The following SORCS2 variants were observed in gnomAD, a reference collection of about 807,000 sequenced individuals.
SORCS2 encodes the protein VPS10 domain-containing receptor SorCS2.
A neutral mutation model predicts 141.6 loss-of-function variants in SORCS2; 100 were observed. That is an observed-to-expected ratio of 0.71 (90% CI 0.60 to 0.83). The LOEUF is 0.83. Among genes scored for constraint, SORCS2 ranks in the 40% least tolerant of loss-of-function variants. The pLI is 0.00. For missense variants in SORCS2, 1,646 were observed against 1,560.2 expected (o/e 1.05, Z -0.93); for synonymous variants, 789 against 676.9 (o/e 1.17, Z -2.57).
In SORCS2 at chr4:7,349,930, TCTC is replaced by T. The variant is rs1720844080; in HGVS notation, c.481-46355_481-46353del. On this transcript the variant is annotated intron_variant, in intron 1 of 26. Coordinates refer to ENST00000507866, the MANE Select transcript of SORCS2 (RefSeq NM_020777.3). The stretch of plus-strand genomic sequence containing the variant: ...TTCCGAGCAGACGCTGATCTGCTGT[TCTC>T]CTGTTTTTCCCACCACTGGACAATT... Among the ~76,000 whole-genome samples the T allele has an allele frequency of 2.0e-5, 3 of 152,290 alleles. No individual in the cohort carries two copies. The South Asian group carries it at 6.2e-4, about 32-fold the overall frequency.
At chr4:7,376,638 C>T (rs911491437) in intron 1 of SORCS2, among the ~76,000 whole-genome samples, 2 of 152,198 alleles carry the variant, frequency 1.3e-5, no homozygotes, top group Non-Finnish European at 2.9e-5. Flanking sequence ...TATTTTCTCA[C>T]TCAGGCATAT....
chr4:7,213,840 G>A (rs1293656520), intron 1 of SORCS2, among the ~76,000 whole-genome samples: 2 of 152,202 alleles, frequency 1.3e-5, no homozygotes, highest in Admixed American at 6.5e-5. Context: ...TGGATGCCAC[G>A]AGCCAGCTCT....
At chr4:7,729,925 C>A (rs992035616) in intron 23 of SORCS2, among the ~76,000 whole-genome samples, 1 of 152,036 alleles carries the variant, frequency 6.6e-6, no homozygotes, top group African/African-American at 2.4e-5. Context: ...CAGAGGTAGT[C>A]GGGGGGAGGG....
At chr4:7,453,269 ACTGTGTTGGGGTCAGGAG>A (rs1728608574) in intron 2 of SORCS2, among the ~76,000 whole-genome samples, 4 of 44,784 alleles carry the variant, frequency 8.9e-5, no homozygotes, top group Non-Finnish European at 1.6e-4. Flanking sequence ...GGGGTCAGGC[ACTGTGTTGGGGTCAGGAG>A]CTGTGTGTTG....
chr4:7,480,644 G>T (rs368485442), intron 2 of SORCS2, among the ~76,000 whole-genome samples: 1 of 152,252 alleles, frequency 6.6e-6, no homozygotes, highest in Non-Finnish European at 1.5e-5. Context: ...TGGGATGGCA[G>T]GTGCCCCGGG....
intron 4 of SORCS2, among the ~76,000 whole-genome samples, chr4:7,646,887 C>T (rs550224622): frequency 8.5e-5 from 13 of 152,222 alleles, no homozygotes; most frequent in African/African-American, 1.2e-4. Context: ...AACCCAGGGG[C>T]GGGAGGCACA....
At chr4:7,581,467 T>C (rs896704109) in intron 3 of SORCS2, among the ~76,000 whole-genome samples, 21 of 152,042 alleles carry the variant, frequency 1.4e-4, no homozygotes, top group Non-Finnish European at 1.5e-5. Context: ...CAGACCACAG[T>C]AGACCCCATC....
intron 2 of SORCS2, among the ~76,000 whole-genome samples, chr4:7,506,668 T>G (rs1732295453): frequency 6.6e-6 from 1 of 152,282 alleles, no homozygotes; most frequent in East Asian, 1.9e-4. Flanking sequence ...GTCACTGAAC[T>G]GGTAGGGCTG....
chr4:7,354,761 TC>T (rs1028613284), intron 1 of SORCS2, among the ~76,000 whole-genome samples: 1 of 152,064 alleles, frequency 6.6e-6, no homozygotes, highest in African/African-American at 2.4e-5. Flanking sequence ...GGGGGCCTGG[TC>T]CCCACAGCAC....
At chr4:7,497,149 T>G (rs2109417845) in intron 2 of SORCS2, among the ~76,000 whole-genome samples, 1 of 152,352 alleles carries the variant, frequency 6.6e-6, no homozygotes, top group East Asian at 1.9e-4. Context: ...AGCCTCAGGC[T>G]TGAGGATCCG....
At chr4:7,402,535 T>C (rs770885518) in intron 2 of SORCS2, among the ~76,000 whole-genome samples, 6 of 152,238 alleles carry the variant, frequency 3.9e-5, no homozygotes, top group Non-Finnish European at 7.3e-5. Flanking sequence ...ATTTGATTTA[T>C]GTATTCCCCT....
At chr4:7,493,385 A>G (rs1240464292) in intron 2 of SORCS2, among the ~76,000 whole-genome samples, 2 of 152,140 alleles carry the variant, frequency 1.3e-5, no homozygotes, top group Admixed American at 1.3e-4. Context: ...AAAAGGAAAG[A>G]GGTTCGTGGA....
chr4:7,524,502 G>C (rs560698724), intron 2 of SORCS2, among the ~76,000 whole-genome samples: 3 of 152,084 alleles, frequency 2.0e-5, no homozygotes, highest in Admixed American at 6.5e-5. Flanking sequence ...CGCCCCTCTA[G>C]AATTGCCTTG....
intron 3 of SORCS2, among the ~76,000 whole-genome samples, chr4:7,631,579 C>T (rs187976307): frequency 4.6e-5 from 7 of 152,250 alleles, no homozygotes; most frequent in Non-Finnish European, 5.9e-5. Context: ...CCTCTCTGCT[C>T]GGGGCTGCCC....
At chr4:7,724,859 ATGGTGG>A (rs200641681) in intron 19 of SORCS2, among the ~76,000 whole-genome samples, 1 of 49,028 alleles carries the variant, frequency 2.0e-5, no homozygotes, top group African/African-American at 9.2e-5. Flanking sequence ...GGTAGTGGTG[ATGGTGG>A]TGGTAGTGGT....
At chr4:7,716,021 C>T (rs1033369959) in intron 17 of SORCS2, among the ~76,000 whole-genome samples, 1 of 152,246 alleles carries the variant, frequency 6.6e-6, no homozygotes, top group African/African-American at 2.4e-5. Flanking sequence ...CAAGTGCAAG[C>T]AGTTACGATG....
intron 2 of SORCS2, among the ~76,000 whole-genome samples, chr4:7,427,694 G>T (rs77377214): frequency 0.17 from 25,519 of 152,050 alleles, 2,371 homozygotes; most frequent in African/African-American, 0.24. Context: ...TGATGGGAGG[G>T]AAGGAGGAAG....
intron 2 of SORCS2, among the ~76,000 whole-genome samples, chr4:7,426,536 C>G (rs1445158571): frequency 6.6e-6 from 1 of 152,160 alleles, no homozygotes; most frequent in African/African-American, 2.4e-5. Flanking sequence ...CCAGCCTGAG[C>G]AATGTAGCAA....
chr4:7,632,884 G>A (rs1375703547), intron 3 of SORCS2, among the ~76,000 whole-genome samples: 2 of 152,106 alleles, frequency 1.3e-5, no homozygotes, highest in Non-Finnish European at 2.9e-5. Context: ...AGAGGAAGGA[G>A]TGGAATAACT....
Sources: gnomAD v4.1 joint callset for allele counts (sites outside exome capture counted in the v4.1 genomes callset) on GRCh38, gnomAD v4.1.1 for gene constraint, MANE v1.5 for transcripts, NCBI Gene and HGNC (gene_info 2026-07-23, HGNC 2026-07-21) for gene names.